The following TMEM117 variants were observed in gnomAD, a reference collection of about 807,000 sequenced individuals.
The protein encoded by TMEM117 is transmembrane protein 117.
In TMEM117, 27 loss-of-function variants were observed where a neutral mutation model predicts 52.4. That is an observed-to-expected ratio of 0.51 (90% CI 0.38 to 0.71). The LOEUF is 0.71. Ranked by LOEUF, TMEM117 falls within the 30% of genes least tolerant of loss-of-function variation. The probability of loss-of-function intolerance (pLI) is 0.00; values close to 1 mark genes in which losing one functional copy is unlikely to be tolerated. For missense variants in TMEM117, 556 were observed against 630.5 expected (o/e 0.88, Z 1.26); for synonymous variants, 215 against 206.3 (o/e 1.04, Z -0.36).
chr12:44,298,450 T>G (rs575597711), intron 5 of TMEM117, among the ~76,000 whole-genome samples: 1 of 150,538 alleles, frequency 6.6e-6, no homozygotes, highest in East Asian at 1.9e-4. Context: ...CTAAACAATA[T>G]CTAGCCATCA....
intron 3 of TMEM117, among the ~76,000 whole-genome samples, chr12:44,082,139 TATTA>T (rs1439640113): frequency 2.6e-5 from 4 of 152,002 alleles, no homozygotes; most frequent in South Asian, 4.1e-4. Context: ...ATTGACACCA[TATTA>T]ATTTTTATTT....
intron 6 of TMEM117, among the ~76,000 whole-genome samples, chr12:44,348,083 GGGT>G (rs1314057655): frequency 6.6e-6 from 1 of 151,974 alleles, no homozygotes; most frequent in Non-Finnish European, 1.5e-5. Flanking sequence ...GGACCTTTAA[GGGT>G]AGTTGTGTTT....
At chr12:43,932,361 G>T (rs1944885376) in intron 2 of TMEM117, among the ~76,000 whole-genome samples, 2 of 135,942 alleles carry the variant, frequency 1.5e-5, no homozygotes. Flanking sequence ...TTTCAGAACT[G>T]GATACTTTTT....
intron 5 of TMEM117, among the ~76,000 whole-genome samples, chr12:44,238,549 G>A (rs1395841773): frequency 6.6e-6 from 1 of 151,996 alleles, no homozygotes; most frequent in East Asian, 1.9e-4. Context: ...CAGGAGGATG[G>A]CTTGAAACCA....
At chr12:44,144,817 A>G (rs541537484) in intron 4 of TMEM117, among the ~76,000 whole-genome samples, 15 of 152,228 alleles carry the variant, frequency 9.9e-5, no homozygotes, top group Non-Finnish European at 1.6e-4. Flanking sequence ...AGAAATAGCA[A>G]TTAGAATAAA....
At chr12:44,083,050 A>G (rs1013188113) in intron 3 of TMEM117, among the ~76,000 whole-genome samples, 6 of 152,070 alleles carry the variant, frequency 3.9e-5, no homozygotes, top group Non-Finnish European at 8.8e-5. Flanking sequence ...TGAGTATACC[A>G]CAAGTTATTT....
chr12:44,296,809 A>C (rs776808635), intron 5 of TMEM117, among the ~76,000 whole-genome samples: 1 of 152,198 alleles, frequency 6.6e-6, no homozygotes, highest in Admixed American at 6.5e-5. Context: ...TACAAAGTGC[A>C]TGTGGGCATG....
intron 2 of TMEM117, among the ~76,000 whole-genome samples, chr12:43,930,234 T>C (rs1944849714): frequency 6.7e-6 from 1 of 148,482 alleles, no homozygotes; most frequent in South Asian, 2.3e-4. Flanking sequence ...TTATGCTTAG[T>C]TTTTTTTGCT....
In TMEM117 at chr12:44,137,552, C is replaced by T. The variant is rs528851728; in HGVS notation, c.411-5973C>T. Among the ~76,000 whole-genome samples the T allele has an allele frequency of 9.2e-5, 14 of 152,210 alleles. No individual in the cohort carries two copies. The South Asian group carries it at 2.9e-3, about 32-fold the overall frequency. On this transcript the variant is annotated intron_variant, in intron 3 of 7. Transcript: ENST00000266534. The stretch of plus-strand genomic sequence containing the variant: ...GCTGCTGATAAAGACATACCTGATA[C>T]TGGGAAGAAACAGAGGTTTAATGGA...
the TMEM117 span, among the ~76,000 whole-genome samples, chr12:43,830,574 C>A: frequency 6.7e-6 from 1 of 149,798 alleles, no homozygotes; most frequent in Non-Finnish European, 1.5e-5. Flanking sequence ...CATGCCACTG[C>A]ACTCCAGCCT....
chr12:43,909,558 A>C (rs1944456666), intron 2 of TMEM117, among the ~76,000 whole-genome samples: 1 of 148,328 alleles, frequency 6.7e-6, no homozygotes, highest in Non-Finnish European at 1.5e-5. Context: ...TGAATCCAGG[A>C]GCTGGTTTTT....
chr12:44,009,472 A>G, intron 3 of TMEM117: 1 of 224,380 alleles, frequency 4.5e-6, no homozygotes, highest in Non-Finnish European at 9.1e-6. Flanking sequence ...GGATGAGCTG[A>G]GATGCCATCT....
intron 3 of TMEM117, among the ~76,000 whole-genome samples, chr12:44,028,242 A>T (rs949904926): frequency 2.0e-5 from 3 of 150,262 alleles, no homozygotes; most frequent in Non-Finnish European, 3.0e-5. Flanking sequence ...TAAAGGCATT[A>T]AAACCCTTCC....
intron 3 of TMEM117, among the ~76,000 whole-genome samples, chr12:44,071,409 G>A (rs1359262108): frequency 6.6e-6 from 1 of 152,158 alleles, no homozygotes; most frequent in Non-Finnish European, 1.5e-5. Flanking sequence ...AATGTAGAAA[G>A]CCCCTAGGTT....
intron 6 of TMEM117, among the ~76,000 whole-genome samples, chr12:44,338,187 G>A (rs1951367754): frequency 6.6e-6 from 1 of 152,082 alleles, no homozygotes; most frequent in Admixed American, 6.6e-5. Context: ...TTTAAATTAA[G>A]ATAATGTGGG....
chr12:44,385,534 AGGC>A (rs1952076620), intron 7 of TMEM117, among the ~76,000 whole-genome samples: 2 of 152,130 alleles, frequency 1.3e-5, no homozygotes, highest in African/African-American at 4.8e-5. Context: ...TAGGAGTTCA[AGGC>A]TGCAGTGAGC....
At chr12:43,905,809 T>G (rs1944376991) in intron 2 of TMEM117, among the ~76,000 whole-genome samples, 1 of 152,196 alleles carries the variant, frequency 6.6e-6, no homozygotes. Flanking sequence ...ATTTTCTGTT[T>G]CCTCCGTGTT....
At chr12:44,386,620 C>G (rs1260643520) in intron 7 of TMEM117, among the ~76,000 whole-genome samples, 5 of 152,030 alleles carry the variant, frequency 3.3e-5, no homozygotes, top group Non-Finnish European at 5.9e-5. Flanking sequence ...ATAGCAATTA[C>G]TGGGCCCCTA....
chr12:44,208,278 A>G (rs1949597050), intron 4 of TMEM117, among the ~76,000 whole-genome samples: 1 of 152,158 alleles, frequency 6.6e-6, no homozygotes, highest in African/African-American at 2.4e-5. Flanking sequence ...TGATGCGGTG[A>G]GTGCCATAAT....
Sources: allele counts gnomAD v4.1 joint callset (sites outside exome capture counted in the v4.1 genomes callset), GRCh38; gene constraint gnomAD v4.1.1; transcripts MANE v1.5; gene names NCBI Gene and HGNC (gene_info 2026-07-23, HGNC 2026-07-21).